The following ANKRD31 variants were observed in gnomAD, a reference collection of about 807,000 sequenced individuals.
ANKRD31 encodes ankyrin repeat domain-containing protein 31.
Under a neutral mutation model 186.0 loss-of-function variants are expected in ANKRD31, and 147 were observed. That is an observed-to-expected ratio of 0.79 (90% confidence interval 0.69 to 0.91). The LOEUF is 0.91. Among genes scored for constraint, ANKRD31 ranks in the 40% least tolerant of loss-of-function variants. ANKRD31 has a pLI of 0.00. For missense variants in ANKRD31, 1,986 were observed against 2,148.8 expected, an observed-to-expected ratio of 0.92 and a Z score of 1.50; for synonymous variants, 673 against 736.4, an observed-to-expected ratio of 0.91 and a Z score of 1.39.
chr5:75,137,421 A>T (rs1221424343), intron 17 of ANKRD31, among the ~76,000 whole-genome samples: 1 of 152,138 alleles, frequency 6.6e-6, no homozygotes, highest in African/African-American at 2.4e-5. Context: ...GAAAAACAAA[A>T]GAGAAAAAGA....
chr5:75,108,289 T>C (rs963034550), intron 20 of ANKRD31, among the ~76,000 whole-genome samples: 12 of 152,098 alleles, frequency 7.9e-5, no homozygotes, highest in South Asian at 2.1e-4. Context: ...TACTATATGA[T>C]ACCTAAGGTC....
At chr5:75,223,804 G>C (rs1004410002) in intron 2 of ANKRD31, among the ~76,000 whole-genome samples, 2 of 151,974 alleles carry the variant, frequency 1.3e-5, no homozygotes, top group African/African-American at 4.8e-5. Context: ...GAGGTATTGA[G>C]GGTGAAGCCC....
chr5:75,232,355 C>A (rs142494469), intron 1 of ANKRD31, among the ~76,000 whole-genome samples: 1 of 152,142 alleles, frequency 6.6e-6, no homozygotes, highest in Non-Finnish European at 1.5e-5. Flanking sequence ...CCTCCACCGC[C>A]CAGGTTCAAG....
At chr5:75,129,135 G>A (rs1749516278) in intron 17 of ANKRD31, among the ~76,000 whole-genome samples, 1 of 151,962 alleles carries the variant, frequency 6.6e-6, no homozygotes, top group African/African-American at 2.4e-5. Flanking sequence ...CACAAGATCT[G>A]GTGGTTTAAA....
At chr5:75,233,061 C>CT (rs200915352) in intron 1 of ANKRD31, among the ~76,000 whole-genome samples, 44 of 125,266 alleles carry the variant, frequency 3.5e-4, no homozygotes, top group East Asian at 1.3e-3. Flanking sequence ...TTAATTTTTT[C>CT]TTTTCCTTTT....
At chr5:75,215,918 T>C (rs972172127) in intron 3 of ANKRD31, among the ~76,000 whole-genome samples, 2 of 152,110 alleles carry the variant, frequency 1.3e-5, no homozygotes, top group Non-Finnish European at 1.5e-5. Flanking sequence ...AAAAGGTTTA[T>C]TTTCATAGGA....
chr5:75,124,103 G>A (rs1393187787), intron 17 of ANKRD31, among the ~76,000 whole-genome samples: 3 of 151,578 alleles, frequency 2.0e-5, no homozygotes, highest in Non-Finnish European at 4.4e-5. Flanking sequence ...ACAACAAATA[G>A]CCCCATTAAA....
chr5:75,177,512 C>A, intron 10 of ANKRD31, among the ~76,000 whole-genome samples: 1 of 152,036 alleles, frequency 6.6e-6, no homozygotes, highest in East Asian at 1.9e-4. Flanking sequence ...AAAGGGAAGC[C>A]CATCAGACTA....
At chr5:75,234,242 A>C (rs565384377) in intron 1 of ANKRD31, among the ~76,000 whole-genome samples, 18 of 152,376 alleles carry the variant, frequency 1.2e-4, no homozygotes, top group Non-Finnish European at 2.5e-4. Context: ...AGCTGGAAGA[A>C]AATATACCAA....
intron 2 of ANKRD31, among the ~76,000 whole-genome samples, chr5:75,229,864 C>CAAAA (rs1210080751): frequency 6.1e-4 from 23 of 37,822 alleles, no homozygotes; most frequent in African/African-American, 2.1e-3. Context: ...GACTCTGTCT[C>CAAAA]AAAAAAAAAA....
At chr5:75,132,774 G>C (rs912029787) in intron 17 of ANKRD31, among the ~76,000 whole-genome samples, 2 of 152,106 alleles carry the variant, frequency 1.3e-5, no homozygotes, top group African/African-American at 4.8e-5. Context: ...GAGAAAGGTC[G>C]AGTTACCCAC....
intron 11 of ANKRD31, among the ~76,000 whole-genome samples, chr5:75,167,537 T>G (rs1256357240): frequency 6.6e-6 from 1 of 152,182 alleles, no homozygotes; most frequent in Non-Finnish European, 1.5e-5. Context: ...TCACCACTAG[T>G]CAGGATATGC....
At chr5:75,082,895 T>C (rs988314758) in intron 24 of ANKRD31, among the ~76,000 whole-genome samples, 6 of 152,194 alleles carry the variant, frequency 3.9e-5, no homozygotes, top group African/African-American at 1.4e-4. Flanking sequence ...ACTGGAACCC[T>C]TGTACATTCC....
At chr5:75,109,140 T>C (rs1314400351) in intron 20 of ANKRD31, among the ~76,000 whole-genome samples, 2 of 152,144 alleles carry the variant, frequency 1.3e-5, no homozygotes, top group African/African-American at 2.4e-5. Flanking sequence ...TAGGGATGAG[T>C]AATAGGGTAG....
intron 22 of ANKRD31, among the ~76,000 whole-genome samples, chr5:75,097,470 T>C (rs1580317810): frequency 1.3e-5 from 2 of 152,354 alleles, no homozygotes; most frequent in South Asian, 2.1e-4. Flanking sequence ...CTTTGAGAAG[T>C]GTCTGTTCAT....
intron 23 of ANKRD31, among the ~76,000 whole-genome samples, chr5:75,090,974 G>T (rs1745880186): frequency 6.6e-6 from 1 of 152,132 alleles, no homozygotes; most frequent in African/African-American, 2.4e-5. Context: ...AAGATTAAAG[G>T]CATTAAAAGT....
intron 4 of ANKRD31, among the ~76,000 whole-genome samples, chr5:75,210,219 G>A (rs1238532613): frequency 1.3e-5 from 2 of 152,076 alleles, no homozygotes; most frequent in Non-Finnish European, 1.5e-5. Flanking sequence ...TGTTGCCCAG[G>A]CTGGAGTGCA....
intron 3 of ANKRD31, among the ~76,000 whole-genome samples, chr5:75,218,466 T>C (rs981977445): frequency 1.9e-4 from 29 of 151,702 alleles, no homozygotes; most frequent in African/African-American, 6.8e-4. Context: ...GCCTACCAAC[T>C]AAAAAAAGCC....
At chr5:75,081,243 G>C (rs1355168189) in intron 24 of ANKRD31, among the ~76,000 whole-genome samples, 3 of 151,994 alleles carry the variant, frequency 2.0e-5, no homozygotes, top group African/African-American at 7.2e-5. Flanking sequence ...CTACCTCCAT[G>C]GTTCTTAAAT....
Sources: gnomAD v4.1 joint callset for allele counts (sites outside exome capture counted in the v4.1 genomes callset) on GRCh38, gnomAD v4.1.1 for gene constraint, MANE v1.5 for transcripts, NCBI Gene and HGNC (gene_info 2026-07-23, HGNC 2026-07-21) for gene names.